The following AFDN variants were observed in gnomAD, a reference collection of about 807,000 sequenced individuals.
AFDN encodes the protein afadin.
In AFDN, 68 loss-of-function variants were observed where a neutral mutation model predicts 216.6. That is an observed-to-expected ratio of 0.31 (90% confidence interval 0.26 to 0.38). The LOEUF is 0.38. Among genes scored for constraint, AFDN ranks in the 10% least tolerant of loss-of-function variants. The pLI is 1.00. For missense variants in AFDN, 2,136 were observed against 2,342.0 expected, an observed-to-expected ratio of 0.91 and a Z score of 1.82; for synonymous variants, 868 against 853.7, an observed-to-expected ratio of 1.02 and a Z score of -0.29.
chr6:167,957,170 GC>G (rs1392559031), intron 30 of AFDN, among the ~76,000 whole-genome samples: 1 of 149,216 alleles, frequency 6.7e-6, no homozygotes, highest in Non-Finnish European at 1.5e-5. Flanking sequence ...TTCTGGGGGG[GC>G]CCACCTGCCC....
At chr6:167,948,034 C>T in intron 28 of AFDN, 90 bp downstream of exon 28, 2 of 996,282 alleles carry the variant, frequency 2.0e-6, no homozygotes, top group Non-Finnish European at 3.1e-6. Context: ...ACAATTTTTA[C>T]TCTGAATTAG....
chr6:167,873,198 G>C (rs999894854), intron 4 of AFDN, among the ~76,000 whole-genome samples: 1 of 152,176 alleles, frequency 6.6e-6, no homozygotes, highest in Non-Finnish European at 1.5e-5. Flanking sequence ...GGTGAAGAAC[G>C]TAAAGAACTC....
chr6:167,942,516 G>T (rs945576512), intron 23 of AFDN, among the ~76,000 whole-genome samples: 1 of 152,144 alleles, frequency 6.6e-6, no homozygotes, highest in Non-Finnish European at 1.5e-5. Context: ...TATCCAAGTA[G>T]AATATTGGTG....
At chr6:167,924,362 T>A (rs1792223821) in intron 22 of AFDN, among the ~76,000 whole-genome samples, 1 of 152,214 alleles carries the variant, frequency 6.6e-6, no homozygotes, top group South Asian at 2.1e-4. Context: ...GTAATTTTGC[T>A]TTCTCATTCT....
chr6:167,888,182 A>T (rs1237155798), intron 6 of AFDN, among the ~76,000 whole-genome samples: 1 of 152,242 alleles, frequency 6.6e-6, no homozygotes, highest in Non-Finnish European at 1.5e-5. Context: ...TACTGAATGT[A>T]ATATGAAACA....
At chr6:167,927,951 T>C (rs1792781107) in intron 23 of AFDN, among the ~76,000 whole-genome samples, 1 of 152,202 alleles carries the variant, frequency 6.6e-6, no homozygotes, top group Non-Finnish European at 1.5e-5. Flanking sequence ...CTCAAATCTG[T>C]GGGCAGAATG....
At chr6:167,928,276 C>T (rs1225279463) in intron 23 of AFDN, among the ~76,000 whole-genome samples, 1 of 152,234 alleles carries the variant, frequency 6.6e-6, no homozygotes, top group Non-Finnish European at 1.5e-5. Flanking sequence ...ACTTTCTCAC[C>T]CTCTGCTGGG....
intron 16 of AFDN, 21 bp from the exon 17 acceptor site, chr6:167,914,147 G>A: frequency 6.2e-7 from 1 of 1,610,968 alleles, no homozygotes; most frequent in Non-Finnish European, 8.5e-7. Context: ...TGTTGCTTAT[G>A]GAAGTGTGTT....
At chr6:167,938,168 C>T (rs1054249929) in intron 23 of AFDN, among the ~76,000 whole-genome samples, 1 of 152,016 alleles carries the variant, frequency 6.6e-6, no homozygotes, top group Non-Finnish European at 1.5e-5. Flanking sequence ...AGGTGAGCCT[C>T]GGAGGTGAAT....
intron 23 of AFDN, among the ~76,000 whole-genome samples, chr6:167,935,435 CG>C (rs1190092172): frequency 6.6e-6 from 1 of 152,088 alleles, no homozygotes; most frequent in Non-Finnish European, 1.5e-5. Context: ...GGCCTCCAGA[CG>C]GGGAAAAGTG....
chr6:167,878,331 A>G (rs1451532862), intron 5 of AFDN, among the ~76,000 whole-genome samples: 1 of 152,022 alleles, frequency 6.6e-6, no homozygotes, highest in Admixed American at 6.6e-5. Context: ...ATCCTATTGT[A>G]CATCTTTTTT....
chr6:167,879,293 A>C (rs1240141929), intron 5 of AFDN, among the ~76,000 whole-genome samples: 1 of 152,370 alleles, frequency 6.6e-6, no homozygotes. Flanking sequence ...TAAGCTATCA[A>C]AATGCAATTC....
intron 17 of AFDN, 107 bp from the exon 18 acceptor site, chr6:167,914,537 T>TA (rs1790801698): frequency 2.2e-6 from 2 of 906,002 alleles, no homozygotes; most frequent in Non-Finnish European, 3.3e-6. Flanking sequence ...ATTTTTTTTT[T>TA]AATGGAAAAT....
intron 2 of AFDN, among the ~76,000 whole-genome samples, chr6:167,868,895 T>G (rs1355692988): frequency 6.6e-6 from 1 of 151,626 alleles, no homozygotes; most frequent in Non-Finnish European, 1.5e-5. Context: ...TCCAAGCAGC[T>G]GGGACTGCAA....
Position 167,948,317 on chromosome 6 carries a change from G to A in AFDN, c.3670G>A (p.Glu1224Lys). 6.2e-7 allele frequency: 1 copy of A among 1,613,828 alleles called. No homozygotes were observed. The highest frequency in any genetic ancestry group is 8.5e-7 in the Non-Finnish European group (1 of 1,179,886). ...TEEQTPPPRP[E>K]AYPIPTQTYT... is the part of the protein sequence containing the mutation. Reference sequence around the variant, plus strand: ...GGAGCAGACGCCTCCGCCTAGACCTGAAGCCTACCCCATCCCCACTCAGAC... The same window carrying A: ...GGAGCAGACGCCTCCGCCTAGACCTAAAGCCTACCCCATCCCCACTCAGAC... The change falls in exon 29 of 34, where the codon GAA becomes AAA. Residue 1224 changes from glutamate to lysine, a missense_variant. By Grantham distance (56) the Glu-to-Lys change is moderately conservative. Around this residue, in one of 8 missense-constraint regions of AFDN, gnomAD observed 981 missense variants for 966.0 expected, o/e 1.02. Transcript: ENST00000683244.
In AFDN at chr6:167,885,681, A is replaced by G. The variant is rs140177082; in HGVS notation, c.898-3534A>G. Reference sequence around the variant, plus strand: ...TTGAAGTATTGTGAGAATTAACACAATGTACACACAGACACAAAGTGAGCA... The same window carrying G: ...TTGAAGTATTGTGAGAATTAACACAGTGTACACACAGACACAAAGTGAGCA... On this transcript the variant is annotated intron_variant, in intron 6 of 33. Transcript: ENST00000683244. Among the ~76,000 whole-genome samples, 13 of 152,376 alleles carry G rather than the reference A, an allele frequency of 8.5e-5. No individual in the cohort carries two copies. In the East Asian group the frequency reaches 2.5e-3, roughly 29 times the overall value.
chr6:167,947,431 G>A (rs576902806), intron 27 of AFDN, among the ~76,000 whole-genome samples: 7 of 152,212 alleles, frequency 4.6e-5, no homozygotes, highest in Non-Finnish European at 8.8e-5. Context: ...TGCCCGCCTT[G>A]GCCTCCCAAA....
At chr6:167,896,748 G>A (rs532435321) in intron 9 of AFDN, 130 bp from the exon 10 acceptor site, 4 of 560,140 alleles carry the variant, frequency 7.1e-6, no homozygotes, top group Non-Finnish European at 1.3e-5. Context: ...CATAAGTTTG[G>A]AGAATTTTTT....
chr6:167,899,413 T>C (rs535044899), intron 11 of AFDN, among the ~76,000 whole-genome samples: 1 of 152,332 alleles, frequency 6.6e-6, no homozygotes, highest in East Asian at 1.9e-4. Context: ...CATTTCTTTC[T>C]AACACTTTCA....
Sources: gnomAD v4.1 joint callset for allele counts (sites outside exome capture counted in the v4.1 genomes callset) on GRCh38, gnomAD v4.1.1 for gene constraint, gnomAD v4.1.1 regional missense constraint, MANE v1.5 for transcripts, NCBI Gene and HGNC (gene_info 2026-07-23, HGNC 2026-07-21) for gene names.